EIPR1: variants seen among roughly 807,000 people sequenced by gnomAD.
EIPR1 encodes the protein EARP and GARP complex-interacting protein 1.
EIPR1 carries 25 observed loss-of-function variants against 48.1 expected under a neutral mutation model. The observed-to-expected ratio is 0.52, with a 90% CI of 0.38 to 0.73. The LOEUF is 0.73. Ranked by LOEUF, EIPR1 falls within the 30% of genes least tolerant of loss-of-function variation. EIPR1 has a pLI of 0.00. For missense variants in EIPR1, 415 were observed against 506.2 expected, an observed-to-expected ratio of 0.82 and a Z score of 1.73; for synonymous variants, 204 against 201.9, an observed-to-expected ratio of 1.01 and a Z score of -0.09.
intron 2 of EIPR1, among the ~76,000 whole-genome samples, chr2:3,342,875 T>A (rs1670293415): frequency 1.3e-5 from 2 of 152,228 alleles, no homozygotes; most frequent in Admixed American, 1.3e-4. Context: ...GTAGTGCAAG[T>A]ACACATCTTC....
intron 2 of EIPR1, among the ~76,000 whole-genome samples, chr2:3,339,778 G>A (rs1670176449): frequency 6.6e-6 from 1 of 152,158 alleles, no homozygotes; most frequent in Non-Finnish European, 1.5e-5. Context: ...GTGAAACCCC[G>A]TCTCTACTAA....
intron 4 of EIPR1, among the ~76,000 whole-genome samples, chr2:3,234,761 G>A (rs1666347594): frequency 6.6e-6 from 1 of 152,242 alleles, no homozygotes; most frequent in Admixed American, 6.5e-5. Flanking sequence ...TCCAAGCCCT[G>A]CCCTTGCACT....
chr2:3,334,439 T>C (rs1043071655), intron 3 of EIPR1, among the ~76,000 whole-genome samples: 5 of 152,240 alleles, frequency 3.3e-5, no homozygotes, highest in Non-Finnish European at 7.3e-5. Flanking sequence ...ATGAAGTCTC[T>C]AGAATGTTTT....
chr2:3,328,421 C>T (rs1364948910), intron 3 of EIPR1, among the ~76,000 whole-genome samples: 1 of 150,564 alleles, frequency 6.6e-6, no homozygotes, highest in Non-Finnish European at 1.5e-5. Context: ...GCCCATCCAC[C>T]ACGCTCTAAT....
At chr2:3,200,407 C>A (rs941270512) in intron 5 of EIPR1, among the ~76,000 whole-genome samples, 1 of 152,184 alleles carries the variant, frequency 6.6e-6, no homozygotes, top group East Asian at 1.9e-4. Flanking sequence ...GTAAACTATC[C>A]GCTCTACTGT....
intron 5 of EIPR1, among the ~76,000 whole-genome samples, chr2:3,207,387 G>T (rs557736844): frequency 6.6e-6 from 1 of 152,342 alleles, no homozygotes; most frequent in African/African-American, 2.4e-5. Flanking sequence ...CCCCGGCTCA[G>T]GTCGTCCTGT....
intron 5 of EIPR1, among the ~76,000 whole-genome samples, chr2:3,205,937 A>G (rs1205217772): frequency 6.6e-6 from 1 of 152,196 alleles, no homozygotes; most frequent in African/African-American, 2.4e-5. Flanking sequence ...GTTTTTCTTC[A>G]TCTTTACTAT....
chr2:3,375,593 C>T (rs79293431), intron 1 of EIPR1, among the ~76,000 whole-genome samples: 4,980 of 152,090 alleles, frequency 0.033, 123 homozygotes, highest in South Asian at 0.088. Flanking sequence ...CCCTGTGTAT[C>T]CCTATGTGTA....
At chr2:3,243,640 C>A (rs1241166476) in intron 4 of EIPR1, among the ~76,000 whole-genome samples, 2 of 152,072 alleles carry the variant, frequency 1.3e-5, no homozygotes, top group East Asian at 1.9e-4. Flanking sequence ...TCAAAAAAAA[C>A]CCAAAATGAA....
At chr2:3,361,833 C>G (rs966276064) in intron 1 of EIPR1, among the ~76,000 whole-genome samples, 2 of 151,962 alleles carry the variant, frequency 1.3e-5, no homozygotes, top group African/African-American at 4.8e-5. Flanking sequence ...CCTCCACCAT[C>G]TGACCCTGCC....
At chr2:3,191,048 C>T (rs377390866) in intron 8 of EIPR1, among the ~76,000 whole-genome samples, 10 of 152,218 alleles carry the variant, frequency 6.6e-5, no homozygotes, top group South Asian at 2.1e-4. Context: ...GAGCCATGAT[C>T]GTGCCACTGC....
intron 2 of EIPR1, among the ~76,000 whole-genome samples, chr2:3,346,246 G>C (rs1401401431): frequency 6.6e-6 from 1 of 152,212 alleles, no homozygotes; most frequent in Non-Finnish European, 1.5e-5. Flanking sequence ...TGTGGGTTTT[G>C]ACCCAATGCT....
At chr2:3,328,295 A>T (rs1479612925) in intron 3 of EIPR1, among the ~76,000 whole-genome samples, 1 of 152,192 alleles carries the variant, frequency 6.6e-6, no homozygotes, top group Non-Finnish European at 1.5e-5. Context: ...CCTGCTCATC[A>T]CATGGGGTCC....
At chr2:3,245,672 G>T (rs992940255) in intron 4 of EIPR1, among the ~76,000 whole-genome samples, 1 of 152,238 alleles carries the variant, frequency 6.6e-6, no homozygotes, top group Admixed American at 6.5e-5. Context: ...CTGCTCAGGA[G>T]CCAGTAACCA....
chr2:3,284,477 C>T (rs981340086), intron 3 of EIPR1, among the ~76,000 whole-genome samples: 13 of 152,256 alleles, frequency 8.5e-5, no homozygotes, highest in African/African-American at 2.9e-4. Context: ...AAGCTGGGCA[C>T]ATGGAGATGG....
intron 2 of EIPR1, among the ~76,000 whole-genome samples, chr2:3,345,427 C>G (rs1321060689): frequency 6.6e-6 from 1 of 152,006 alleles, no homozygotes; most frequent in African/African-American, 2.4e-5. Context: ...GAGTTCAAGA[C>G]TAGCCTGGCC....
rs1311715165 is a variant in EIPR1 at position 3,304,794 on chromosome 2, C to T, written c.259+33223G>A. Among the ~76,000 whole-genome samples, 5 of 150,900 alleles carry T rather than the reference C, an allele frequency of 3.3e-5. No homozygotes were observed. The East Asian group carries it at 6.0e-4, about 18-fold the overall frequency. ...CCCGTCCAGTTCAGCCATCCAGTCC[C>T]GTCCAATTCAGCCCTCCACTCCCGT... On this transcript the variant is annotated intron_variant, in intron 3 of 8. Coordinates refer to ENST00000382125, the MANE Select transcript of EIPR1 (RefSeq NM_003310.5).
At chr2:3,363,474 T>G (rs1670897755) in intron 1 of EIPR1, among the ~76,000 whole-genome samples, 1 of 152,018 alleles carries the variant, frequency 6.6e-6, no homozygotes, top group African/African-American at 2.4e-5. Flanking sequence ...GGTGGGCAAA[T>G]GGCTTGAGCT....
intron 4 of EIPR1, among the ~76,000 whole-genome samples, chr2:3,238,284 C>T (rs1289813284): frequency 2.0e-5 from 3 of 152,164 alleles, no homozygotes; most frequent in Non-Finnish European, 2.9e-5. Context: ...CACGGCTTTC[C>T]GGAGCGCCCG....
Sources: gnomAD v4.1 joint callset for allele counts (sites outside exome capture counted in the v4.1 genomes callset) on GRCh38, gnomAD v4.1.1 for gene constraint, MANE v1.5 for transcripts, NCBI Gene and HGNC (gene_info 2026-07-23, HGNC 2026-07-21) for gene names.